TIMELESS: variants seen among roughly 807,000 people sequenced by gnomAD.
TIMELESS encodes protein timeless homolog.
Under a neutral mutation model 164.3 loss-of-function variants are expected in TIMELESS, and 124 were observed. The observed-to-expected ratio is 0.75, with a 90% CI of 0.65 to 0.88. The LOEUF (loss-of-function observed/expected upper bound fraction) is 0.88. TIMELESS is among the 40% of genes least tolerant of loss of function. The pLI, the probability that TIMELESS is intolerant of heterozygous loss-of-function variation, is 0.00. For missense variants in TIMELESS, 1,422 were observed against 1,491.4 expected, an observed-to-expected ratio of 0.95 and a Z score of 0.77; for synonymous variants, 564 against 563.4, an observed-to-expected ratio of 1.00 and a Z score of -0.02.
In TIMELESS at chr12:56,423,567, G is replaced by A; in HGVS notation, c.2090+17C>T. The stretch of plus-strand genomic sequence containing the variant: ...CAATCGCCACTCTAGGACCAACTCA[G>A]GCCTCTCAGCCCGCACCGTTTCAGG... On this transcript the variant is annotated intron_variant, in intron 17 of 28. Transcript: ENST00000553532. 1 of 1,613,780 alleles carries A rather than the reference G, an allele frequency of 6.2e-7. No individual in the cohort carries two copies. The highest frequency in any genetic ancestry group is 8.5e-7 in the Non-Finnish European group (1 of 1,179,842).
At chr12:56,417,807 A>G in intron 28 of TIMELESS, 21 bp from the exon 29 acceptor site, 1 of 1,397,956 alleles carries the variant, frequency 7.2e-7, no homozygotes, top group Non-Finnish European at 9.8e-7. Flanking sequence ...GATGGGGGTG[A>G]GAGAGAGAGA....
intron 13 of TIMELESS, 72 bp downstream of exon 13, chr12:56,428,164 T>C: frequency 2.1e-6 from 3 of 1,433,748 alleles, no homozygotes; most frequent in South Asian, 2.8e-5. Context: ...CTGTACAAAC[T>C]GTGAGAAGAA....
intron 3 of TIMELESS, 25 bp downstream of exon 3, chr12:56,433,748 A>G: frequency 1.2e-6 from 2 of 1,613,720 alleles, no homozygotes; most frequent in Admixed American, 1.7e-5. Context: ...GCAGGTGGCA[A>G]AAGTTTAAAA....
chr12:56,444,174 G>C (rs1283192909), intron 1 of TIMELESS, among the ~76,000 whole-genome samples: 2 of 152,128 alleles, frequency 1.3e-5, no homozygotes, highest in African/African-American at 4.8e-5. Context: ...GGGATTACAG[G>C]CATGAGCCAC....
rs2291739 is a variant in TIMELESS, at chr12:56,420,869, G to A, written c.3053C>T (p.Pro1018Leu). 871,318 of 1,613,674 alleles carry A rather than the reference G, an allele frequency of 0.54. 240,361 individuals are homozygous for A. Among genetic ancestry groups the A allele is most frequent in the Non-Finnish European group, 0.57 (671,934 of 1,179,866 alleles). ...CAGGCAGTTCTGGAGCCATAGGAGCGGGATAGAAAAGCCTAAGGAAATGAG... is the reference window on the plus strand; with the variant it reads ...CAGGCAGTTCTGGAGCCATAGGAGCAGGATAGAAAAGCCTAAGGAAATGAG... Reference protein sequence around the residue: ...QSLHQEGFSIPLLWLQNCLIR... With the variant: ...QSLHQEGFSILLLWLQNCLIR... Residue 1018 changes from proline to leucine, a missense_variant, in exon 25 of 29, where the codon CCG becomes CTG. By Grantham distance (98) the Pro-to-Leu change is moderately conservative. Coordinates refer to ENST00000553532, the MANE Select transcript of TIMELESS (RefSeq NM_003920.5).
At chr12:56,448,933 G>A (rs1008352293) in intron 1 of TIMELESS, among the ~76,000 whole-genome samples, 2 of 152,152 alleles carry the variant, frequency 1.3e-5, no homozygotes, top group South Asian at 2.1e-4. Flanking sequence ...GACCACTGCT[G>A]ACCGCCAGGC....
chr12:56,438,776 T>TC (rs1882153813), intron 1 of TIMELESS, among the ~76,000 whole-genome samples: 1 of 23,952 alleles, frequency 4.2e-5, no homozygotes, highest in African/African-American at 2.3e-4. Flanking sequence ...AAGCTCTGTC[T>TC]CAAAAAAAAA....
At chr12:56,420,768 T>G (rs1198575756) in intron 25 of TIMELESS, 45 bp downstream of exon 25, 3 of 1,613,594 alleles carry the variant, frequency 1.9e-6, no homozygotes, top group Non-Finnish European at 2.5e-6. Context: ...AGGTCTCCAA[T>G]AGCCTCCAGG....
chr12:56,448,822 G>A (rs1868449531), intron 1 of TIMELESS, among the ~76,000 whole-genome samples: 1 of 152,232 alleles, frequency 6.6e-6, no homozygotes, highest in Admixed American at 6.5e-5. Context: ...TTCATTAGCG[G>A]CTGAGGTCCA....
At chr12:56,424,942 A>C (rs751423377) in intron 14 of TIMELESS, 29 bp from the exon 15 acceptor site, 2 of 1,614,092 alleles carry the variant, frequency 1.2e-6, no homozygotes, top group East Asian at 4.5e-5. Flanking sequence ...ATGGGAGCGG[A>C]GGGAGTGGAA....
At chr12:56,444,261 C>A (rs930699925) in intron 1 of TIMELESS, among the ~76,000 whole-genome samples, 14 of 152,088 alleles carry the variant, frequency 9.2e-5, no homozygotes, top group Admixed American at 8.5e-4. Context: ...TAACTTTCAT[C>A]ATTATCCTCA....
At chr12:56,432,666 CG>C in intron 6 of TIMELESS, 142 bp from the exon 7 acceptor site, 8 of 1,207,498 alleles carry the variant, frequency 6.6e-6, no homozygotes, top group Non-Finnish European at 9.1e-6. Flanking sequence ...GCAGCTTGGC[CG>C]GGCGCGGTGG....
Position 56,430,983 on chromosome 12 carries a change from A to G in TIMELESS, c.822-15T>C. 1 of 1,533,782 alleles carries G rather than the reference A, an allele frequency of 6.5e-7. No individual in the cohort carries two copies. Among genetic ancestry groups the G allele is most frequent in the Non-Finnish European group, 8.8e-7 (1 of 1,137,844 alleles). Reference sequence around the variant, plus strand: ...ATCGAGAATGCCTGCAGAAACAAAAAGGTCCAAGGTGATTTTTCAGTTCTC... The same window carrying G: ...ATCGAGAATGCCTGCAGAAACAAAAGGGTCCAAGGTGATTTTTCAGTTCTC... On this transcript the variant is annotated splice_polypyrimidine_tract_variant and intron_variant, in intron 8 of 28. Transcript: ENST00000553532.
intron 26 of TIMELESS, 95 bp from the exon 27 acceptor site, chr12:56,418,454 G>C: frequency 1.2e-6 from 1 of 839,328 alleles, no homozygotes. Flanking sequence ...TATTGGTGAA[G>C]ATCCACAAGG....
chr12:56,433,431 C>G lies in TIMELESS; in HGVS notation c.379G>C (p.Glu127Gln). 1 of 1,614,234 alleles carries G rather than the reference C, an allele frequency of 6.2e-7. No individual in the cohort carries two copies. Among genetic ancestry groups the G allele is most frequent in the Non-Finnish European group, 8.5e-7 (1 of 1,180,044 alleles). Residue 127 changes from glutamate (E) to glutamine (Q), a missense_variant, in exon 5 of 29, where the codon GAG becomes CAG. Glu to Gln is a conservative substitution (Grantham distance 29). Transcript: ENST00000553532. ...TCACTGAGGACTCCAAAAGCCTTCT[C>G]ACTGGCAAAGGCCTGTGAAATAGGG... is the stretch of plus-strand genomic sequence containing the variant. ...LQAYKEAFASEKAFGVLSETL... is the reference protein window; with the variant it reads ...LQAYKEAFASQKAFGVLSETL...
intron 26 of TIMELESS, 127 bp from the exon 27 acceptor site, chr12:56,418,486 AATAC>A (rs1292218042): frequency 3.0e-6 from 2 of 668,704 alleles, no homozygotes; most frequent in Non-Finnish European, 5.1e-6. Context: ...TATTTATTAT[AATAC>A]TTACTATCTA....
chr12:56,424,901 T>G lies in TIMELESS; in HGVS notation c.1729A>C (p.Ser577Arg). The change falls in exon 15 of 29, where the codon AGC becomes CGC. Residue 577 changes from serine to arginine, a missense_variant. By Grantham distance (110) the Ser-to-Arg change is moderately radical. Coordinates refer to ENST00000553532, the MANE Select transcript of TIMELESS (RefSeq NM_003920.5). ...TCAAAGGGAACCACGGAGTCCATGC[T>G]GAGCTCAGAATTCTAGAGATGGATA... ...LQCCAQNSEL[S>R]MDSVVPFDAA... 6.2e-7 allele frequency: 1 copy of G among 1,614,220 alleles called. No individual in the cohort carries two copies. Among genetic ancestry groups the G allele is most frequent in the Non-Finnish European group, 8.5e-7 (1 of 1,180,036 alleles).
intron 1 of TIMELESS, among the ~76,000 whole-genome samples, chr12:56,446,993 T>C (rs570672797): frequency 3.3e-5 from 5 of 151,442 alleles, no homozygotes; most frequent in African/African-American, 1.2e-4. Flanking sequence ...TTAGATTCCC[T>C]GAGGACAGGA....
chr12:56,438,113 C>T (rs1165900089), intron 1 of TIMELESS, among the ~76,000 whole-genome samples: 1 of 152,064 alleles, frequency 6.6e-6, no homozygotes, highest in Non-Finnish European at 1.5e-5. Context: ...ACGATCTTGG[C>T]TCACTGCAAC....
Sources: allele counts gnomAD v4.1 joint callset (sites outside exome capture counted in the v4.1 genomes callset), GRCh38; gene constraint gnomAD v4.1.1; transcripts MANE v1.5; gene names NCBI Gene and HGNC (gene_info 2026-07-23, HGNC 2026-07-21).